PEPD: variants seen among roughly 807,000 people sequenced by gnomAD.
The protein encoded by PEPD is peptidase D.
In PEPD, 53 loss-of-function variants were observed where a neutral mutation model predicts 60.7. The observed-to-expected ratio is 0.87, with a 90% confidence interval of 0.70 to 1.10. The LOEUF (loss-of-function observed/expected upper bound fraction) is 1.10. PEPD is among the 50% of genes least tolerant of loss of function. The probability of loss-of-function intolerance (pLI) is 0.00; values close to 1 mark genes in which losing one functional copy is unlikely to be tolerated. For missense variants in PEPD, 711 were observed against 711.9 expected (o/e 1.00, Z 0.01); for synonymous variants, 267 against 284.1 (o/e 0.94, Z 0.60).
At chr19:33,521,278 T>C (rs1047958436) in intron 1 of PEPD, among the ~76,000 whole-genome samples, 15 of 152,206 alleles carry the variant, frequency 9.9e-5, no homozygotes, top group Non-Finnish European at 1.9e-4. Context: ...GTGGGATAGA[T>C]GGTTAGAGAA....
rs766850315 is a variant in PEPD, at chr19:33,500,996, T to C, written c.335A>G (p.His112Arg). Residue 112 changes from histidine to arginine, a missense_variant, in exon 4 of 15, where the codon CAT becomes CGT. By Grantham distance (29) the His-to-Arg change is conservative. Coordinates refer to ENST00000244137, the MANE Select transcript of PEPD (RefSeq NM_000285.4). ...CTTCTCCTTGAAGTGCTCCTTGGAATGGATCCTCAAAGAAAAGCACAAGGA... is the reference window on the plus strand; with the variant it reads ...CTTCTCCTTGAAGTGCTCCTTGGAACGGATCCTCAAAGAAAAGCACAAGGA... ...ASHATWMGKI[H>R]SKEHFKEKYA... The C allele has an allele frequency of 6.3e-7, 1 of 1,592,486 alleles. No homozygotes were observed. Among genetic ancestry groups the C allele is most frequent in the Non-Finnish European group, 8.6e-7 (1 of 1,160,330 alleles).
chr19:33,433,777 C>T (rs1404683837), intron 9 of PEPD, among the ~76,000 whole-genome samples: 3 of 152,208 alleles, frequency 2.0e-5, no homozygotes, highest in Non-Finnish European at 4.4e-5. Context: ...TTTACCGTGT[C>T]GGTCTGTAGC....
chr19:33,506,349 G>C (rs4805899), intron 3 of PEPD, among the ~76,000 whole-genome samples: 138,744 of 139,518 alleles, frequency 0.99, 68,989 homozygotes, highest in East Asian at 1. Flanking sequence ...CACAACACAG[G>C]ACACTCACAC....
intron 12 of PEPD, 112 bp from the exon 13 acceptor site, chr19:33,391,591 G>A (rs1308877636): frequency 1.6e-5 from 16 of 1,022,114 alleles, no homozygotes; most frequent in Non-Finnish European, 2.2e-5. Flanking sequence ...AGGGCCTGAG[G>A]TGGGGGGTGA....
chr19:33,417,354 G>C (rs1199339648), intron 9 of PEPD, among the ~76,000 whole-genome samples: 2 of 152,198 alleles, frequency 1.3e-5, no homozygotes, highest in Admixed American at 1.3e-4. Flanking sequence ...GCTGGGCAGA[G>C]GGCTTAGGAA....
chr19:33,511,845 C>T (rs576365181), intron 2 of PEPD, among the ~76,000 whole-genome samples: 2 of 152,268 alleles, frequency 1.3e-5, no homozygotes, highest in East Asian at 1.9e-4. Flanking sequence ...CTTGCAGCTG[C>T]GCGAACAATG....
At chr19:33,519,200 C>A (rs576346032) in intron 1 of PEPD, among the ~76,000 whole-genome samples, 1 of 152,300 alleles carries the variant, frequency 6.6e-6, no homozygotes, top group East Asian at 1.9e-4. Flanking sequence ...TCTGTCTCAA[C>A]CTGAAGCCTA....
At chr19:33,432,656 T>C (rs776529363) in intron 9 of PEPD, among the ~76,000 whole-genome samples, 2 of 152,240 alleles carry the variant, frequency 1.3e-5, no homozygotes, top group African/African-American at 4.8e-5. Context: ...CCTGCTGCCA[T>C]GAACAGATCC....
At chr19:33,468,441 C>T (rs1396112189) in intron 7 of PEPD, among the ~76,000 whole-genome samples, 7 of 152,268 alleles carry the variant, frequency 4.6e-5, no homozygotes, top group Non-Finnish European at 7.3e-5. Flanking sequence ...TCCTCTTCCT[C>T]CTCCTCGGCC....
Position 33,511,098 on chromosome 19 carries a change from C to T in PEPD, c.259G>A (p.Asp87Asn), listed in dbSNP as rs201865747. ...AGGGTCGACTTCCCAGTGTCAACAT[C>T]GATGACACCATAGCAGCCTGGCTCA... ...VTEPGCYGVI[D>N]VDTGKSTLFV... Residue 87 changes from aspartate (D) to asparagine (N), a missense_variant, in exon 3 of 15, where the codon GAT becomes AAT. Physicochemically the swap from Asp to Asn is conservative, Grantham distance 23. Coordinates refer to ENST00000244137, the MANE Select transcript of PEPD (RefSeq NM_000285.4). 6.8e-4 allele frequency: 1,098 copies of T among 1,612,976 alleles called. 6 individuals are homozygous for T. Among genetic ancestry groups the T allele is most frequent in the South Asian group, 3.3e-3 (302 of 91,042 alleles).
chr19:33,507,340 C>T (rs1427802136), intron 3 of PEPD, among the ~76,000 whole-genome samples: 1 of 152,098 alleles, frequency 6.6e-6, no homozygotes, highest in African/African-American at 2.4e-5. Flanking sequence ...GAAATGCTCT[C>T]ACATCAAAAA....
At chr19:33,470,736 G>C (rs745476676) in intron 7 of PEPD, among the ~76,000 whole-genome samples, 7 of 152,126 alleles carry the variant, frequency 4.6e-5, no homozygotes, top group Non-Finnish European at 8.8e-5. Context: ...AACAAGGAGA[G>C]CTGATGGCCT....
chr19:33,471,909 C>G lies in PEPD; in HGVS notation c.548+6137G>C, dbSNP rs548096109. 7.2e-5 allele frequency among the ~76,000 whole-genome samples: 11 copies of G among 152,276 alleles called. No homozygotes were observed. In the East Asian group the frequency reaches 2.1e-3, roughly 29 times the overall value. ...AGGCACAGTGGCTCATGCCTGTAAT[C>G]CCGGCACTTTGGGAGGCCGAGGCAG... is the stretch of plus-strand genomic sequence containing the variant. On this transcript the variant is annotated intron_variant, in intron 7 of 14. Coordinates refer to ENST00000244137, the MANE Select transcript of PEPD (RefSeq NM_000285.4).
At chr19:33,444,747 T>C (rs1969560380) in intron 9 of PEPD, among the ~76,000 whole-genome samples, 1 of 151,640 alleles carries the variant, frequency 6.6e-6, no homozygotes, top group South Asian at 2.1e-4. Flanking sequence ...AGAAACCACT[T>C]AGTGTCTCAT....
chr19:33,460,355 C>G (rs940403630), intron 9 of PEPD, among the ~76,000 whole-genome samples: 1 of 152,116 alleles, frequency 6.6e-6, no homozygotes, highest in Non-Finnish European at 1.5e-5. Flanking sequence ...AGAGGGAGCT[C>G]GAGGCGGAAG....
At chr19:33,506,186 C>T (rs1970803531) in intron 3 of PEPD, among the ~76,000 whole-genome samples, 1 of 143,998 alleles carries the variant, frequency 6.9e-6, no homozygotes, top group African/African-American at 2.6e-5. Context: ...CACTCACACA[C>T]CCACACACTC....
intron 3 of PEPD, among the ~76,000 whole-genome samples, chr19:33,506,395 TCACA>T (rs761405776): frequency 1.5e-5 from 1 of 64,760 alleles, no homozygotes; most frequent in African/African-American, 6.2e-5. Context: ...TACACACCAC[TCACA>T]CACACACCCT....
intron 7 of PEPD, among the ~76,000 whole-genome samples, chr19:33,468,674 G>A (rs1329123147): frequency 6.6e-6 from 1 of 152,240 alleles, no homozygotes; most frequent in East Asian, 1.9e-4. Context: ...TTTGTCACTG[G>A]GAAACGAGGC....
At chr19:33,485,170 C>T (rs1367010325) in intron 6 of PEPD, among the ~76,000 whole-genome samples, 2 of 152,104 alleles carry the variant, frequency 1.3e-5, no homozygotes, top group African/African-American at 2.4e-5. Context: ...GGTCCCTCCC[C>T]TCACCGAGAA....
Sources: allele counts gnomAD v4.1 joint callset (sites outside exome capture counted in the v4.1 genomes callset), GRCh38; gene constraint gnomAD v4.1.1; transcripts MANE v1.5; gene names NCBI Gene and HGNC (gene_info 2026-07-23, HGNC 2026-07-21).